SMPDL3B: variants seen among roughly 807,000 people sequenced by gnomAD.
The protein encoded by SMPDL3B is sphingomyelin phosphodiesterase acid like 3B.
Under a neutral mutation model 37.9 loss-of-function variants are expected in SMPDL3B, and 31 were observed. The observed-to-expected ratio is 0.82, with a 90% CI of 0.61 to 1.10. The LOEUF (loss-of-function observed/expected upper bound fraction) is 1.10. Ranked by LOEUF, SMPDL3B falls within the 50% of genes least tolerant of loss-of-function variation. The pLI is 0.00. For missense variants in SMPDL3B, 525 were observed against 597.8 expected (o/e 0.88, Z 1.27); for synonymous variants, 235 against 242.6 (o/e 0.97, Z 0.29).
intron 3 of SMPDL3B, among the ~76,000 whole-genome samples, chr1:27,952,305 C>T (rs536868561): frequency 7.9e-5 from 12 of 152,182 alleles, no homozygotes; most frequent in African/African-American, 2.7e-4. Flanking sequence ...CAGGTCTTGT[C>T]GGCTGTACAG....
intron 2 of SMPDL3B, among the ~76,000 whole-genome samples, chr1:27,947,899 G>A (rs183611447): frequency 3.9e-4 from 59 of 152,100 alleles, no homozygotes; most frequent in Non-Finnish European, 6.3e-4. Context: ...TTTTTTATCA[G>A]ACAGAATTAG....
At chr1:27,942,809 G>A (rs7417093) in intron 1 of SMPDL3B, among the ~76,000 whole-genome samples, 69,072 of 151,992 alleles carry the variant, frequency 0.45, 15,853 homozygotes, top group South Asian at 0.65. Flanking sequence ...GATTACAGGC[G>A]TGAGCCACTG....
chr1:27,941,792 G>A (rs916808054), intron 1 of SMPDL3B, among the ~76,000 whole-genome samples: 6 of 152,192 alleles, frequency 3.9e-5, no homozygotes, highest in African/African-American at 7.2e-5. Flanking sequence ...GGCCCTGTGA[G>A]GAGAAGCAGC....
Position 27,955,819 on chromosome 1 carries a change from G to C in SMPDL3B, c.826G>C (p.Gly276Arg), listed in dbSNP as rs141531357. ...HHRVIAGQFF[G>R]HHHTDSFRML... ...TCGCGTCATAGCAGGGCAGTTCTTC[G>C]GGCACCACCACACCGACAGCTTTCG... The change falls in exon 6 of 8, where the codon GGG (glycine) becomes CGG (arginine). Residue 276 changes from glycine (G) to arginine (R), a missense_variant. Physicochemically the swap from Gly to Arg is moderately radical, Grantham distance 125 (BLOSUM62 -2). Coordinates refer to ENST00000373894, the MANE Select transcript of SMPDL3B (RefSeq NM_014474.4). 9 of 1,614,014 alleles carry C rather than the reference G, an allele frequency of 5.6e-6. No homozygotes were observed. The highest frequency in any genetic ancestry group is 7.6e-6 in the Non-Finnish European group (9 of 1,179,996).
rs1273294812 is a variant in SMPDL3B at position 27,945,211 on chromosome 1, A to G, written c.62-21A>G. The stretch of plus-strand genomic sequence containing the variant: ...CTGAGAGAGAGACCAGCTTTGAAGG[A>G]GGATGTTTTTTCCCCTGCAGGGAAG... On this transcript the variant is annotated intron_variant, in intron 1 of 7. Coordinates refer to ENST00000373894, the MANE Select transcript of SMPDL3B (RefSeq NM_014474.4). The surrounding 1 kb of genome is among the most constrained non-coding windows in gnomAD (Gnocchi z 4.0). The G allele has an allele frequency of 2.5e-6, 4 of 1,611,418 alleles. No individual in the cohort carries two copies. The highest frequency in any genetic ancestry group is 4.5e-5 in the East Asian group (2 of 44,874).
intron 7 of SMPDL3B, chr1:27,956,464 G>A (rs1428991862): frequency 3.2e-6 from 4 of 1,240,024 alleles, no homozygotes; most frequent in African/African-American, 3.0e-5. Flanking sequence ...ATAAAGTTGT[G>A]TCTCCTTGAC....
Position 27,945,808 on chromosome 1 carries a change from T to C in SMPDL3B, c.275+363T>C, listed in dbSNP as rs561447687. Among the ~76,000 whole-genome samples, 17 of 152,216 alleles carry C rather than the reference T, an allele frequency of 1.1e-4. No individual in the cohort carries two copies. The South Asian group carries it at 3.3e-3, about 30-fold the overall frequency. ...GGACTCTAAGTCTGAGAGGTCCAAG[T>C]GCAGGGAGGGAAGAAGTTATGAGGG... On this transcript the variant is annotated intron_variant, in intron 2 of 7. Transcript: ENST00000373894. This position sits in a 1 kb window ranked among gnomAD's most constrained non-coding sequence, Gnocchi z 4.0.
In SMPDL3B at chr1:27,958,983, T is replaced by G. The variant is rs1021455492; in HGVS notation, c.*145T>G. 17 of 1,020,108 alleles carry G rather than the reference T, an allele frequency of 1.7e-5. No individual in the cohort carries two copies. Among genetic ancestry groups the G allele is most frequent in the South Asian group, 3.4e-5 (2 of 58,202 alleles). The allele number at this position is 1,020,108 out of a possible 1,614,324, so 63.2% of individuals were successfully genotyped here. A position where few individuals can be genotyped will look rare whatever the true frequency, so the allele number is the denominator to read the frequency against. On this transcript the variant is annotated 3_prime_UTR_variant, in exon 8 of 8. Transcript: ENST00000373894. The surrounding 1 kb of genome is among the most constrained non-coding windows in gnomAD (Gnocchi z 5.6). ...AATCAGGAAGCGAAGCCCCAGGAGCTGCAGCCATCCGTGATCGCGCCACTG... is the reference window on the plus strand; with the variant it reads ...AATCAGGAAGCGAAGCCCCAGGAGCGGCAGCCATCCGTGATCGCGCCACTG...
At chr1:27,938,006 T>A (rs1003424162) in intron 1 of SMPDL3B, among the ~76,000 whole-genome samples, 1 of 152,208 alleles carries the variant, frequency 6.6e-6, no homozygotes, top group Non-Finnish European at 1.5e-5. Context: ...CCCTAGAAAT[T>A]TCTGCATAAA....
intron 3 of SMPDL3B, among the ~76,000 whole-genome samples, chr1:27,952,670 C>T (rs2090463806): frequency 6.6e-6 from 1 of 152,220 alleles, no homozygotes; most frequent in African/African-American, 2.4e-5. Flanking sequence ...CTTTCTGTGA[C>T]ATCCCTTACA....
In SMPDL3B at chr1:27,958,864, T is replaced by G; in HGVS notation, c.*26T>G. ...CCTGCCAGGCTCACCTTCTTCCTGGTAACGGGTAACGGGGGCAGCGCCCAG... is the reference window on the plus strand; with the variant it reads ...CCTGCCAGGCTCACCTTCTTCCTGGGAACGGGTAACGGGGGCAGCGCCCAG... On this transcript the variant is annotated 3_prime_UTR_variant, in exon 8 of 8. Coordinates refer to ENST00000373894, the MANE Select transcript of SMPDL3B (RefSeq NM_014474.4). The surrounding 1 kb of genome is among the most constrained non-coding windows in gnomAD (Gnocchi z 5.6). The G allele has an allele frequency of 6.5e-7, 1 of 1,532,106 alleles. No homozygotes were observed. Among genetic ancestry groups the G allele is most frequent in the African/African-American group, 1.4e-5 (1 of 73,648 alleles). The allele number at this position is 1,532,106 out of a possible 1,614,324, so 94.9% of individuals were successfully genotyped here. A position where few individuals can be genotyped will look rare whatever the true frequency, so the allele number is the denominator to read the frequency against.
Position 27,935,133 on chromosome 1 carries a change from A to G in SMPDL3B, c.-51A>G. Reference sequence around the variant, plus strand: ...ACTACTTAGGAAGCCTGTGGTGAGAACAACAACAGTGCCTGAGAATCCCAC... The same window carrying G: ...ACTACTTAGGAAGCCTGTGGTGAGAGCAACAACAGTGCCTGAGAATCCCAC... On this transcript the variant is annotated 5_prime_UTR_variant, in exon 1 of 8. Transcript: ENST00000373894. 4.2e-6 allele frequency: 6 copies of G among 1,445,594 alleles called. No individual in the cohort carries two copies. The highest frequency in any genetic ancestry group is 5.8e-6 in the Non-Finnish European group (6 of 1,035,780). 89.5% of individuals were successfully genotyped at this position (1,445,594 alleles called of 1,614,324 possible).
chr1:27,946,605 A>T (rs1419998731), intron 2 of SMPDL3B, among the ~76,000 whole-genome samples: 5 of 152,154 alleles, frequency 3.3e-5, no homozygotes, highest in Admixed American at 2.0e-4. Flanking sequence ...AGGGCACATG[A>T]TCCCATCTGG....
chr1:27,958,555 C>T lies in SMPDL3B; in HGVS notation c.1085C>T (p.Thr362Ile), dbSNP rs1279982402. 6.2e-7 allele frequency: 1 copy of T among 1,613,950 alleles called. No homozygotes were observed. Among genetic ancestry groups the T allele is most frequent in the East Asian group, 2.2e-5 (1 of 44,882 alleles). Residue 362 changes from threonine (T) to isoleucine (I), a missense_variant, in exon 8 of 8, where the codon ACC becomes ATC. By Grantham distance (89) the Thr-to-Ile change is moderately conservative. Transcript: ENST00000373894. This position sits in a 1 kb window ranked among gnomAD's most constrained non-coding sequence, Gnocchi z 5.6. ...CGCTGGGAGCTCGAGTACCAGCTGA[C>T]CGAGGCCTATGGGGTGCCGGACGCC... ...TPRWELEYQL[T>I]EAYGVPDASA... is the part of the protein sequence containing the mutation.
At chr1:27,942,109 G>T (rs1350246029) in intron 1 of SMPDL3B, among the ~76,000 whole-genome samples, 1 of 152,162 alleles carries the variant, frequency 6.6e-6, no homozygotes, top group Non-Finnish European at 1.5e-5. Context: ...CTACACACTG[G>T]CTGGAAAACG....
At chr1:27,955,169 T>C (rs995775333) in intron 5 of SMPDL3B, among the ~76,000 whole-genome samples, 4 of 152,182 alleles carry the variant, frequency 2.6e-5, no homozygotes, top group African/African-American at 7.2e-5. Context: ...AGAGAGGTGA[T>C]ACACAGCTGG....
chr1:27,948,812 C>A (rs943991807), intron 2 of SMPDL3B, among the ~76,000 whole-genome samples: 18 of 152,142 alleles, frequency 1.2e-4, no homozygotes, highest in African/African-American at 4.3e-4. Context: ...CTGTATTATC[C>A]CAACATTACA....
At chr1:27,943,598 C>T (rs2090378175) in intron 1 of SMPDL3B, among the ~76,000 whole-genome samples, 1 of 152,094 alleles carries the variant, frequency 6.6e-6, no homozygotes, top group Non-Finnish European at 1.5e-5. Flanking sequence ...GAAGTGATTG[C>T]AATAGCAGAG....
intron 1 of SMPDL3B, chr1:27,939,203 C>G (rs1489962953): frequency 6.6e-6 from 1 of 152,162 alleles, no homozygotes; most frequent in Non-Finnish European, 1.5e-5. Context: ...CCTTCCTGCC[C>G]CCCTGTCTCC....
Sources: allele counts gnomAD v4.1 joint callset (sites outside exome capture counted in the v4.1 genomes callset), GRCh38; gene constraint gnomAD v4.1.1; non-coding constraint Gnocchi (gnomAD v3.1); transcripts MANE v1.5; gene names NCBI Gene and HGNC (gene_info 2026-07-23, HGNC 2026-07-21).